Variants in HBEGF observed in about 807,000 individuals in gnomAD.
HBEGF encodes proheparin-binding EGF-like growth factor.
In HBEGF, 8 loss-of-function variants were observed where a neutral mutation model predicts 19.5. That is an observed-to-expected ratio of 0.41 (90% confidence interval 0.24 to 0.74). The LOEUF (loss-of-function observed/expected upper bound fraction) is 0.74. Ranked by LOEUF, HBEGF falls within the 30% of genes least tolerant of loss-of-function variation. The pLI is 0.32. For synonymous variants in HBEGF, 97 were observed against 108.9 expected (o/e 0.89, Z 0.68); for missense variants, 207 against 256.9 (o/e 0.81, Z 1.33).
chr5:140,343,452 A>G (rs1028199012), intron 2 of HBEGF, among the ~76,000 whole-genome samples: 2 of 152,216 alleles, frequency 1.3e-5, no homozygotes, highest in African/African-American at 4.8e-5. Flanking sequence ...CAAGCAAAAT[A>G]TTTAACTTGC....
intron 3 of HBEGF, among the ~76,000 whole-genome samples, chr5:140,340,355 G>A (rs1328447445): frequency 2.0e-5 from 3 of 149,660 alleles, no homozygotes; most frequent in East Asian, 2.0e-4. Flanking sequence ...TGAGGCAGGC[G>A]GATCACCTGA....
intron 5 of HBEGF, 114 bp downstream of exon 5, chr5:140,334,544 T>C: frequency 1.3e-6 from 1 of 758,552 alleles, no homozygotes; most frequent in Non-Finnish European, 2.4e-6. Context: ...GGGATATTAA[T>C]GTCACAGTAG....
In HBEGF at chr5:140,342,790, T is replaced by C; in HGVS notation, c.243A>G (p.Gln81=). ...LLRVTLSSKP[Q]ALATPNKEEH... is the part of the protein sequence containing the mutation. ...CCTCCTTGTTTGGTGTGGCCAGTGC[T>C]TGTGGCTTGGAGGATAAAGTGACTG... Residue 81 remains glutamine (Q), a synonymous_variant, in exon 3 of 6, where the codon CAA becomes CAG. Coordinates refer to ENST00000230990, the MANE Select transcript of HBEGF (RefSeq NM_001945.3). The C allele has an allele frequency of 6.2e-7, 1 of 1,614,220 alleles. No individual in the cohort carries two copies. Among genetic ancestry groups the C allele is most frequent in the South Asian group, 1.1e-5 (1 of 91,084 alleles).
At chr5:140,340,582 C>CAAAAAAAAAAAAAAAAAAAAAAGAAAAAA (rs1766294131) in intron 3 of HBEGF, among the ~76,000 whole-genome samples, 1 of 59,848 alleles carries the variant, frequency 1.7e-5, no homozygotes, top group Non-Finnish European at 3.1e-5. Context: ...GACTCTGTCT[C>CAAAAAAAAAAAAAAAAAAAAAAGAAAAAA]AAAAAAAAAA....
intron 2 of HBEGF, among the ~76,000 whole-genome samples, chr5:140,343,733 C>G (rs1561543051): frequency 6.6e-6 from 1 of 152,204 alleles, no homozygotes; most frequent in Non-Finnish European, 1.5e-5. Flanking sequence ...CTTTTATCCC[C>G]CATCAGGAAA....
At chr5:140,345,516 T>C (rs1181760764) in intron 2 of HBEGF, among the ~76,000 whole-genome samples, 1 of 152,178 alleles carries the variant, frequency 6.6e-6, no homozygotes, top group Admixed American at 6.5e-5. Flanking sequence ...TCCGCATGTG[T>C]TACCTCTATT....
chr5:140,336,000 C>T lies in HBEGF; in HGVS notation c.426G>A (p.Arg142=). The change falls in exon 4 of 6, where the codon AGG becomes AGA. Residue 142 remains arginine (R), a synonymous_variant. Coordinates refer to ENST00000230990, the MANE Select transcript of HBEGF (RefSeq NM_001945.3). ...CCACTGGGAGGCTCAGCCCATGACA[C>T]CTCTCTCCATGGTAACCCGGGTGGC... ...CICHPGYHGE[R]CHGLSLPVEN... 1 of 1,613,944 alleles carries T rather than the reference C, an allele frequency of 6.2e-7. No homozygotes were observed. The highest frequency in any genetic ancestry group is 8.5e-7 in the Non-Finnish European group (1 of 1,179,972).
At chr5:140,339,513 C>CTCTCTAGTAG (rs1276864228) in intron 3 of HBEGF, among the ~76,000 whole-genome samples, 1 of 152,082 alleles carries the variant, frequency 6.6e-6, no homozygotes, top group Non-Finnish European at 1.5e-5. Context: ...CTGCCTCAGC[C>CTCTCTAGTAG]TCTCTAGTAG....
rs751512386 is a variant in HBEGF, at chr5:140,342,605, G to A, written c.398+30C>T. 4 of 1,602,972 alleles carry A rather than the reference G, an allele frequency of 2.5e-6. No homozygotes were observed. In the African/African-American group the frequency reaches 5.4e-5, roughly 21 times the overall value. On this transcript the variant is annotated intron_variant, in intron 3 of 5. Transcript: ENST00000230990. ...CACGTGGCTGACAAAGTGTGCTGATGAGATTCAGCCCTGGGGAAGGGGCAC... is the reference window on the plus strand; with the variant it reads ...CACGTGGCTGACAAAGTGTGCTGATAAGATTCAGCCCTGGGGAAGGGGCAC...
intron 2 of HBEGF, among the ~76,000 whole-genome samples, chr5:140,344,832 G>A (rs1228198911): frequency 2.1e-5 from 3 of 144,600 alleles, no homozygotes; most frequent in African/African-American, 7.6e-5. Context: ...GGTCTGCAGA[G>A]GTAAGAGGAG....
In HBEGF at chr5:140,346,129, C is replaced by A; in HGVS notation, c.47-45G>T. 6.3e-7 allele frequency: 1 copy of A among 1,590,698 alleles called. No individual in the cohort carries two copies. The highest frequency in any genetic ancestry group is 8.6e-7 in the Non-Finnish European group (1 of 1,168,844). On this transcript the variant is annotated intron_variant, in intron 1 of 5. Coordinates refer to ENST00000230990, the MANE Select transcript of HBEGF (RefSeq NM_001945.3). This position sits in a 1 kb window ranked among gnomAD's most constrained non-coding sequence, Gnocchi z 6.1. ...CCGCATCAGACACCCGCCCAGACCC[C>A]TGACCAACACGCACCGATGCCGACG...
Position 140,336,828 on chromosome 5 carries a change from CT to C in HBEGF, c.399-802del, listed in dbSNP as rs1160533557. ...GCAACTGCCTTTTCTTTTTCTTTTT[CT>C]TTTTTTTTTTTTTTTTTTGAGACAG... On this transcript the variant is annotated intron_variant, in intron 3 of 5. Coordinates refer to ENST00000230990, the MANE Select transcript of HBEGF (RefSeq NM_001945.3). Among the ~76,000 whole-genome samples, 802 of 129,766 alleles carry C rather than the reference CT, an allele frequency of 6.2e-3. 2 individuals carry two copies. The highest frequency in any genetic ancestry group is 0.02 in the African/African-American group (667 of 32,682). 85.1% of individuals were successfully genotyped at this position (129,766 alleles called of 152,430 possible). A position where few individuals can be genotyped will look rare whatever the true frequency, so the allele number is the denominator to read the frequency against.
At position 140,346,350 on chromosome 5, in the gene HBEGF, G is replaced by A. The variant is rs372127510; in HGVS notation, c.-22C>T. ...TCATGGTCCCGCACCGAGAGGAGGC[G>A]GCGAGGCACCAGTCACTTTCGAAGC... On this transcript the variant is annotated 5_prime_UTR_variant, in exon 1 of 6. Transcript: ENST00000230990. This position sits in a 1 kb window ranked among gnomAD's most constrained non-coding sequence, Gnocchi z 6.1. The A allele has an allele frequency of 1.8e-4, 285 of 1,604,138 alleles. 1 individual carries two copies. The highest frequency in any genetic ancestry group is 1.5e-3 in the South Asian group (135 of 89,580).
chr5:140,337,608 T>C (rs191360832), intron 3 of HBEGF, among the ~76,000 whole-genome samples: 113 of 152,308 alleles, frequency 7.4e-4, no homozygotes, highest in Non-Finnish European at 1.4e-3. Flanking sequence ...CAACCAGCAG[T>C]GGCAGAGGGG....
Position 140,345,994 on chromosome 5 carries a change from G to T in HBEGF, c.137C>A (p.Ser46Tyr), listed in dbSNP as rs1220284431. Residue 46 changes from serine to tyrosine, a missense_variant, in exon 2 of 6, where the codon TCC (serine) becomes TAC (tyrosine). Transcript: ENST00000230990. ...GTSNPDPPTVSTDQLLPLGGG... is the reference protein window; with the variant it reads ...GTSNPDPPTVYTDQLLPLGGG... ...TCCTAGGGGTAGCAGCTGGTCCGTG[G>T]ATACAGTGGGAGGGTCCGGGTTGCT... 6.2e-7 allele frequency: 1 copy of T among 1,614,176 alleles called. No individual in the cohort carries two copies. The highest frequency in any genetic ancestry group is 8.5e-7 in the Non-Finnish European group (1 of 1,180,006).
chr5:140,342,871 A>G, intron 2 of HBEGF, 59 bp from the exon 3 acceptor site: 3 of 1,559,542 alleles, frequency 1.9e-6, no homozygotes, highest in East Asian at 2.2e-5. Flanking sequence ...TCAGAAGAGC[A>G]TAGTGCTTGA....
At chr5:140,342,395 G>C (rs1297575553) in intron 3 of HBEGF, among the ~76,000 whole-genome samples, 1 of 152,160 alleles carries the variant, frequency 6.6e-6, no homozygotes, top group Non-Finnish European at 1.5e-5. Flanking sequence ...TTCTGGGCAA[G>C]CAGGAAATGT....
At chr5:140,344,463 A>G (rs148085201) in intron 2 of HBEGF, among the ~76,000 whole-genome samples, 82 of 152,352 alleles carry the variant, frequency 5.4e-4, no homozygotes, top group African/African-American at 1.7e-3. Flanking sequence ...AAAGGTTGCT[A>G]TAAGTGTTAC....
intron 2 of HBEGF, 121 bp from the exon 3 acceptor site, chr5:140,342,933 C>CCTTA (rs1348078427): frequency 5.9e-6 from 6 of 1,020,036 alleles, no homozygotes; most frequent in Non-Finnish European, 8.9e-6. Context: ...TGGGAAGGCC[C>CCTTA]CTTAGCTCAG....
Sources: allele counts gnomAD v4.1 joint callset (sites outside exome capture counted in the v4.1 genomes callset), GRCh38; gene constraint gnomAD v4.1.1; non-coding constraint Gnocchi (gnomAD v3.1); transcripts MANE v1.5; gene names NCBI Gene and HGNC (gene_info 2026-07-23, HGNC 2026-07-21).